The following DSCAM variants were observed in gnomAD, a reference collection of about 807,000 sequenced individuals.
DSCAM encodes DS cell adhesion molecule.
DSCAM carries 47 observed loss-of-function variants against 217.7 expected under a neutral mutation model. The observed-to-expected ratio is 0.22, with a 90% CI of 0.17 to 0.28. The LOEUF (loss-of-function observed/expected upper bound fraction) is 0.28. DSCAM is among the 10% of genes least tolerant of loss of function. The pLI, the probability that DSCAM is intolerant of heterozygous loss-of-function variation, is 1.00. For synonymous variants in DSCAM, 1,056 were observed against 1,015.3 expected (o/e 1.04, Z -0.76); for missense variants, 2,080 against 2,618.3 (o/e 0.79, Z 4.49).
At chr21:40,320,508 T>C (rs981100206) in intron 8 of DSCAM, among the ~76,000 whole-genome samples, 13 of 152,302 alleles carry the variant, frequency 8.5e-5, no homozygotes, top group Admixed American at 8.5e-4. Flanking sequence ...TTCTTTAAAA[T>C]AATAAATTTT....
At chr21:40,781,992 C>CAAAAAAAAAAAAAACAAA (rs2091548964) in intron 1 of DSCAM, among the ~76,000 whole-genome samples, 1 of 106,394 alleles carries the variant, frequency 9.4e-6, no homozygotes, top group Non-Finnish European at 1.7e-5. Context: ...ACTAAAAATA[C>CAAAAAAAAAAAAAACAAA]AAAAAAAAAA....
chr21:40,639,074 C>CCT (rs780400474), intron 3 of DSCAM, among the ~76,000 whole-genome samples: 91 of 92,788 alleles, frequency 9.8e-4, no homozygotes, highest in Middle Eastern at 4.6e-3. Flanking sequence ...AAATATCCTG[C>CCT]ATTTTTTTTT....
At chr21:40,074,725 C>A (rs868034948) in intron 27 of DSCAM, among the ~76,000 whole-genome samples, 1 of 152,284 alleles carries the variant, frequency 6.6e-6, no homozygotes. Flanking sequence ...CAATTGGTGG[C>A]TTTGCTGGAC....
intron 1 of DSCAM, among the ~76,000 whole-genome samples, chr21:40,836,599 C>A (rs1402097703): frequency 6.6e-6 from 1 of 152,196 alleles, no homozygotes; most frequent in Admixed American, 6.5e-5. Context: ...AACAGTTCAT[C>A]GAGATGTACT....
At chr21:40,180,572 G>C (rs1442151780) in intron 14 of DSCAM, among the ~76,000 whole-genome samples, 1 of 152,174 alleles carries the variant, frequency 6.6e-6, no homozygotes, top group Non-Finnish European at 1.5e-5. Flanking sequence ...GTCCCACAGA[G>C]AGAAAGCCAG....
Position 40,547,060 on chromosome 21 carries a change from G to A in DSCAM, c.508+145750C>T, listed in dbSNP as rs75813024. Among the ~76,000 whole-genome samples, 694 of 152,220 alleles carry A rather than the reference G, an allele frequency of 4.6e-3. 5 individuals are homozygous for A. The East Asian group carries it at 0.054, about 12-fold the overall frequency. ...CATCAAGCAGAGCAACTAAGACAGA[G>A]CCAAGAGCAGCCCAACCTTGGTCAT... On this transcript the variant is annotated intron_variant, in intron 3 of 32. Transcript: ENST00000400454.
At chr21:40,503,480 A>G (rs1397645549) in intron 3 of DSCAM, among the ~76,000 whole-genome samples, 2 of 152,218 alleles carry the variant, frequency 1.3e-5, no homozygotes, top group Non-Finnish European at 2.9e-5. Context: ...ACATGCACTT[A>G]TAACAAGACT....
intron 1 of DSCAM, among the ~76,000 whole-genome samples, chr21:40,792,076 C>T (rs1433753331): frequency 2.6e-5 from 4 of 151,154 alleles, no homozygotes; most frequent in Admixed American, 1.3e-4. Context: ...CGTCTTCCTC[C>T]GCACGTCTTC....
intron 3 of DSCAM, among the ~76,000 whole-genome samples, chr21:40,377,075 A>G (rs2074971057): frequency 6.6e-6 from 1 of 152,156 alleles, no homozygotes; most frequent in Non-Finnish European, 1.5e-5. Context: ...TTAGATAGAG[A>G]CATGGATATT....
chr21:40,809,539 T>C (rs1713399590), intron 1 of DSCAM, among the ~76,000 whole-genome samples: 1 of 152,288 alleles, frequency 6.6e-6, no homozygotes, highest in South Asian at 2.1e-4. Flanking sequence ...GTTAAACATA[T>C]AAGAATGCAT....
intron 21 of DSCAM, among the ~76,000 whole-genome samples, chr21:40,089,319 T>C (rs1291972918): frequency 6.6e-6 from 1 of 152,206 alleles, no homozygotes; most frequent in African/African-American, 2.4e-5. Flanking sequence ...GCCTTGTGGA[T>C]TCAGCAGCTC....
At chr21:40,014,896 T>C (rs2088129876) in intron 32 of DSCAM, among the ~76,000 whole-genome samples, 1 of 152,252 alleles carries the variant, frequency 6.6e-6, no homozygotes, top group South Asian at 2.1e-4. Flanking sequence ...GTCCTCTTCC[T>C]ACCTGCATTA....
chr21:40,563,512 AAAC>A (rs2076736775), intron 3 of DSCAM, among the ~76,000 whole-genome samples: 2 of 143,226 alleles, frequency 1.4e-5, no homozygotes, highest in South Asian at 2.1e-4. Flanking sequence ...AAAATTTGTA[AAAC>A]AAAATATATC....
chr21:40,328,219 C>T (rs1248868872), intron 8 of DSCAM, among the ~76,000 whole-genome samples: 1 of 152,080 alleles, frequency 6.6e-6, no homozygotes, highest in Non-Finnish European at 1.5e-5. Context: ...AAGCTAGAGG[C>T]ATCACACCAC....
intron 1 of DSCAM, among the ~76,000 whole-genome samples, chr21:40,727,823 G>T (rs968942944): frequency 3.9e-5 from 6 of 152,108 alleles, no homozygotes; most frequent in Non-Finnish European, 5.9e-5. Context: ...CTTCCTACAG[G>T]ATCCATCCTC....
chr21:40,730,685 G>A (rs1050209193), intron 1 of DSCAM, among the ~76,000 whole-genome samples: 3 of 152,006 alleles, frequency 2.0e-5, no homozygotes, highest in Admixed American at 6.6e-5. Flanking sequence ...GAAGACTGTT[G>A]CCAAGGCAAC....
chr21:40,500,082 G>A (rs551464287), intron 3 of DSCAM, among the ~76,000 whole-genome samples: 338 of 152,188 alleles, frequency 2.2e-3, no homozygotes, highest in African/African-American at 7.7e-3. Flanking sequence ...CACTGCGCCC[G>A]GCTGAGTACC....
chr21:40,371,960 A>G (rs1236232561), intron 3 of DSCAM, among the ~76,000 whole-genome samples: 2 of 152,192 alleles, frequency 1.3e-5, no homozygotes, highest in African/African-American at 2.4e-5. Flanking sequence ...TTCATTTCTC[A>G]ATTTATCTCA....
chr21:40,717,827 A>T (rs1421224127), intron 1 of DSCAM, among the ~76,000 whole-genome samples: 1 of 152,214 alleles, frequency 6.6e-6, no homozygotes, highest in Non-Finnish European at 1.5e-5. Flanking sequence ...AAGCTATTTT[A>T]AAAAGTAGGA....
Sources: allele counts gnomAD v4.1 joint callset (sites outside exome capture counted in the v4.1 genomes callset), GRCh38; gene constraint gnomAD v4.1.1; transcripts MANE v1.5; gene names NCBI Gene and HGNC (gene_info 2026-07-23, HGNC 2026-07-21).